The following CACNB4 variants were observed in gnomAD, a reference collection of about 807,000 sequenced individuals.
CACNB4 encodes voltage-dependent L-type calcium channel subunit beta-4.
CACNB4 carries 32 observed loss-of-function variants against 71.2 expected under a neutral mutation model. The observed-to-expected ratio is 0.45, with a 90% CI of 0.34 to 0.60. The LOEUF is 0.60. CACNB4 is among the 20% of genes least tolerant of loss of function. The probability of loss-of-function intolerance (pLI) is 0.01; values close to 1 mark genes in which losing one functional copy is unlikely to be tolerated. For missense variants in CACNB4, 464 were observed against 647.9 expected (o/e 0.72, Z 3.08); for synonymous variants, 231 against 236.9 (o/e 0.97, Z 0.23).
At chr2:151,930,977 G>C (rs747126593) in intron 2 of CACNB4, among the ~76,000 whole-genome samples, 19 of 152,080 alleles carry the variant, frequency 1.2e-4, no homozygotes, top group Non-Finnish European at 2.4e-4. Flanking sequence ...ATCTTTACTT[G>C]ATAGTTCATA....
At chr2:151,905,727 C>T (rs16830446) in intron 2 of CACNB4, among the ~76,000 whole-genome samples, 15,622 of 152,136 alleles carry the variant, frequency 0.1, 1,609 homozygotes, top group East Asian at 0.55. Context: ...AGATGACCAG[C>T]GAGCTTGACA....
At chr2:151,892,857 T>C (rs933432824) in intron 2 of CACNB4, among the ~76,000 whole-genome samples, 1 of 152,152 alleles carries the variant, frequency 6.6e-6, no homozygotes, top group Non-Finnish European at 1.5e-5. Flanking sequence ...ACCCAAAGGG[T>C]GTACACTCTT....
In CACNB4 at chr2:151,869,177, C is replaced by A; in HGVS notation, c.758G>T (p.Arg253Met). The A allele has an allele frequency of 6.5e-7, 1 of 1,530,870 alleles. No homozygotes were observed. The highest frequency in any genetic ancestry group is 2.3e-5 in the East Asian group (1 of 42,866). The allele number at this position is 1,530,870 out of a possible 1,614,324, so 94.8% of individuals were successfully genotyped here. A position where few individuals can be genotyped will look rare whatever the true frequency, so the allele number is the denominator to read the frequency against. Residue 253 changes from arginine to methionine, a missense_variant and splice_region_variant, in exon 9 of 14, where the codon AGG becomes ATG. This residue lies in a region of CACNB4 where 299 missense variants were observed against 471.7 expected (regional missense o/e 0.63). Transcript: ENST00000539935. ...ATACAAAAACATCTATATTTCTCAC[C>A]TCCCATCAAACCTGTGCTTCAGGAA... ...FDFLKHRFDG[R>M]ISITRVTADI...
chr2:152,005,149 A>G (rs1469316119), intron 2 of CACNB4, among the ~76,000 whole-genome samples: 1 of 152,220 alleles, frequency 6.6e-6, no homozygotes, highest in Non-Finnish European at 1.5e-5. Context: ...ACTACCATTC[A>G]ACCCAGCAGT....
At chr2:151,866,523 T>G (rs2099843156) in intron 9 of CACNB4, 1 of 152,254 alleles carries the variant, frequency 6.6e-6, no homozygotes. Flanking sequence ...CTTGTATCAA[T>G]TGGTAAAACA....
chr2:152,026,638 C>G lies in CACNB4; in HGVS notation c.147+71692G>C, dbSNP rs569739337. On this transcript the variant is annotated intron_variant, in intron 2 of 13. Coordinates refer to ENST00000539935, the MANE Select transcript of CACNB4 (RefSeq NM_000726.5). ...CAGGTGATCTGCCTGCCTCGGCCTC[C>G]CAAAGTGCTGAGATTACAGCCATGA... Among the ~76,000 whole-genome samples, 21 of 152,290 alleles carry G rather than the reference C, an allele frequency of 1.4e-4. No homozygotes were observed. The South Asian group carries it at 1.4e-3, about 11-fold the overall frequency.
chr2:151,909,246 C>A (rs1430296696), intron 2 of CACNB4, among the ~76,000 whole-genome samples: 4 of 150,728 alleles, frequency 2.7e-5, no homozygotes, highest in Admixed American at 2.6e-4. Flanking sequence ...GCCTGGCCAA[C>A]GTGGTGAAAC....
At chr2:151,870,146 T>G (rs1190694949) in intron 8 of CACNB4, 3 of 631,818 alleles carry the variant, frequency 4.7e-6, no homozygotes, top group Non-Finnish European at 8.5e-6. Context: ...CTTTAAAGGT[T>G]TGGGTTTGCT....
intron 2 of CACNB4, among the ~76,000 whole-genome samples, chr2:152,035,578 T>TCC: frequency 6.6e-6 from 1 of 150,652 alleles, no homozygotes; most frequent in African/African-American, 2.5e-5. Flanking sequence ...TTTCTCTCTC[T>TCC]CTCTCTCTCC....
intron 2 of CACNB4, among the ~76,000 whole-genome samples, chr2:151,987,678 T>C (rs991074796): frequency 2.0e-5 from 3 of 149,388 alleles, no homozygotes; most frequent in Admixed American, 1.3e-4. Context: ...TCACTGTAAA[T>C]CGCCATGCCA....
chr2:151,860,622 A>G, intron 10 of CACNB4, 89 bp downstream of exon 10: 1 of 895,002 alleles, frequency 1.1e-6, no homozygotes, highest in South Asian at 1.3e-5. Flanking sequence ...AGAATGGGGA[A>G]CAAATTGAAA....
intron 3 of CACNB4, chr2:151,882,989 A>C: frequency 2.2e-6 from 1 of 445,956 alleles, no homozygotes; most frequent in Non-Finnish European, 4.2e-6. Flanking sequence ...TGGGCATGGG[A>C]GGTTTGATAT....
chr2:152,061,087 C>A (rs890874908), intron 2 of CACNB4, among the ~76,000 whole-genome samples: 3 of 152,118 alleles, frequency 2.0e-5, no homozygotes, highest in African/African-American at 7.2e-5. Flanking sequence ...GTGGGAGGAT[C>A]TCTTGAGGCC....
rs1268154664 is a variant in CACNB4, at chr2:152,098,984, C to T, written c.28G>A (p.Gly10Arg). 2 of 1,533,000 alleles carry T rather than the reference C, an allele frequency of 1.3e-6. No homozygotes were observed. The highest frequency in any genetic ancestry group is 1.8e-6 in the Non-Finnish European group (2 of 1,142,484). 95.0% of individuals were successfully genotyped at this position (1,533,000 alleles called of 1,614,324 possible). ...GGGGAGTGCGGCCCGTCCGCGGTCC[C>T]GTTCTTGGCGTAGGAGGAGGAGGAC... MSSSSYAKN[G>R]TADGPHSPTS... The change falls in exon 1 of 14, where the codon GGG becomes AGG. Residue 10 changes from glycine to arginine, a missense_variant. Physicochemically the swap from Gly to Arg is moderately radical, Grantham distance 125. This residue lies in a region of CACNB4 where 50 missense variants were observed against 47.5 expected (regional missense o/e 1.05). Coordinates refer to ENST00000539935, the MANE Select transcript of CACNB4 (RefSeq NM_000726.5). This position sits in a 1 kb window ranked among gnomAD's most constrained non-coding sequence, Gnocchi z 5.3.
chr2:152,034,846 T>C (rs1163377400), intron 2 of CACNB4, among the ~76,000 whole-genome samples: 2 of 152,160 alleles, frequency 1.3e-5, no homozygotes, highest in African/African-American at 4.8e-5. Flanking sequence ...TGGTGCTGCT[T>C]CACTGGGATC....
chr2:152,090,949 CAGG>C (rs1175810312), intron 2 of CACNB4, among the ~76,000 whole-genome samples: 1 of 151,386 alleles, frequency 6.6e-6, no homozygotes, highest in South Asian at 2.1e-4. Context: ...GAGGCTGACG[CAGG>C]AGAATTGCTT....
intron 2 of CACNB4, among the ~76,000 whole-genome samples, chr2:152,063,806 C>G (rs1686148658): frequency 6.6e-6 from 1 of 152,180 alleles, no homozygotes; most frequent in Non-Finnish European, 1.5e-5. Flanking sequence ...CCCATCAGCT[C>G]CGAATGTCTT....
intron 2 of CACNB4, among the ~76,000 whole-genome samples, chr2:152,003,955 T>C (rs1682574789): frequency 6.6e-6 from 1 of 151,908 alleles, no homozygotes; most frequent in Non-Finnish European, 1.5e-5. Context: ...AGCAATCCTC[T>C]CACCTCTGCC....
At chr2:152,018,316 C>T (rs1242166157) in intron 2 of CACNB4, among the ~76,000 whole-genome samples, 2 of 151,844 alleles carry the variant, frequency 1.3e-5, no homozygotes, top group Non-Finnish European at 2.9e-5. Context: ...TTAAAAATAC[C>T]AACATTCAAA....
Sources: allele counts gnomAD v4.1 joint callset (sites outside exome capture counted in the v4.1 genomes callset), GRCh38; gene constraint gnomAD v4.1.1; regional missense constraint gnomAD v4.1.1; non-coding constraint Gnocchi (gnomAD v3.1); transcripts MANE v1.5; gene names NCBI Gene and HGNC (gene_info 2026-07-23, HGNC 2026-07-21).